ARHGAP18: variants seen among roughly 807,000 people sequenced by gnomAD.
ARHGAP18 encodes rho GTPase-activating protein 18.
ARHGAP18 carries 67 observed loss-of-function variants against 86.2 expected under a neutral mutation model. The observed-to-expected ratio is 0.78, with a 90% CI of 0.64 to 0.95. The LOEUF (loss-of-function observed/expected upper bound fraction) is 0.95, where lower values mean the gene tolerates loss of function less well. Among genes scored for constraint, ARHGAP18 ranks in the 40% least tolerant of loss-of-function variants. ARHGAP18 has a pLI of 0.00. For synonymous variants in ARHGAP18, 283 were observed against 280.4 expected (o/e 1.01, Z -0.09); for missense variants, 691 against 780.4 (o/e 0.89, Z 1.37).
At chr6:129,698,211 T>G (rs1188717778) in intron 1 of ARHGAP18, among the ~76,000 whole-genome samples, 2 of 152,204 alleles carry the variant, frequency 1.3e-5, no homozygotes, top group East Asian at 3.8e-4. Context: ...GCTTATCATT[T>G]GTACCTAGCA....
chr6:129,608,527 G>A (rs996884192), intron 8 of ARHGAP18, among the ~76,000 whole-genome samples: 15 of 152,062 alleles, frequency 9.9e-5, no homozygotes, highest in African/African-American at 2.2e-4. Flanking sequence ...AGTCACCTAC[G>A]GGAAATGGAA....
intron 12 of ARHGAP18, among the ~76,000 whole-genome samples, chr6:129,585,582 C>A (rs563559061): frequency 3.9e-5 from 6 of 152,294 alleles, no homozygotes; most frequent in African/African-American, 1.4e-4. Context: ...CACAAAGGAC[C>A]TGACCATCAA....
chr6:129,689,082 A>G (rs959611631), intron 1 of ARHGAP18, among the ~76,000 whole-genome samples: 3 of 152,096 alleles, frequency 2.0e-5, no homozygotes, highest in Admixed American at 1.3e-4. Flanking sequence ...AAGCAGAATC[A>G]AGGGAGCAAA....
At chr6:129,649,426 C>T (rs377188578) in intron 1 of ARHGAP18, among the ~76,000 whole-genome samples, 2 of 151,762 alleles carry the variant, frequency 1.3e-5, no homozygotes, top group East Asian at 1.9e-4. Flanking sequence ...TAGTGGCGCA[C>T]GCCTGTAGTC....
At chr6:129,584,331 A>C (rs911958517) in intron 12 of ARHGAP18, among the ~76,000 whole-genome samples, 12 of 152,238 alleles carry the variant, frequency 7.9e-5, no homozygotes, top group Non-Finnish European at 1.3e-4. Context: ...GTAATGCTTA[A>C]TTATTTTTAA....
At chr6:129,687,204 C>A (rs113668671) in intron 1 of ARHGAP18, among the ~76,000 whole-genome samples, 2 of 151,920 alleles carry the variant, frequency 1.3e-5, no homozygotes, top group Non-Finnish European at 2.9e-5. Flanking sequence ...ATGCAGGGAC[C>A]AGTTTCTATG....
chr6:129,592,241 A>C (rs1306968529), intron 12 of ARHGAP18, among the ~76,000 whole-genome samples: 1 of 152,208 alleles, frequency 6.6e-6, no homozygotes, highest in Non-Finnish European at 1.5e-5. Context: ...CCAGACCTAA[A>C]GCAGATGCTT....
At chr6:129,677,287 AGAGGCT>A in intron 1 of ARHGAP18, among the ~76,000 whole-genome samples, 1 of 152,174 alleles carries the variant, frequency 6.6e-6, no homozygotes, top group East Asian at 1.9e-4. Context: ...CAGCTACTGA[AGAGGCT>A]GAGGCAGGAG....
At chr6:129,709,592 C>CT (rs764709485) in intron 1 of ARHGAP18, among the ~76,000 whole-genome samples, 21 of 152,222 alleles carry the variant, frequency 1.4e-4, no homozygotes, top group Non-Finnish European at 2.2e-4. Flanking sequence ...ACTCTAACAA[C>CT]AACAGCTTGT....
chr6:129,639,366 T>C (rs1304175806), intron 2 of ARHGAP18, among the ~76,000 whole-genome samples: 1 of 152,210 alleles, frequency 6.6e-6, no homozygotes, highest in South Asian at 2.1e-4. Flanking sequence ...CCAACCATCA[T>C]ATTTATAGAG....
intron 10 of ARHGAP18, among the ~76,000 whole-genome samples, chr6:129,604,591 ACTTTGTCCT>A (rs1788815158): frequency 1.3e-5 from 2 of 152,100 alleles, no homozygotes; most frequent in African/African-American, 4.8e-5. Context: ...CGTCAGCCCC[ACTTTGTCCT>A]GGGCCATATG....
At chr6:129,655,317 C>CAAAAAAAAAA (rs55681217) in intron 1 of ARHGAP18, among the ~76,000 whole-genome samples, 132 of 74,932 alleles carry the variant, frequency 1.8e-3, no homozygotes, top group Middle Eastern at 8.3e-3. Flanking sequence ...AAAACTCTCT[C>CAAAAAAAAAA]AAAAAAAAAA....
chr6:129,650,311 C>T (rs533576915), intron 1 of ARHGAP18, among the ~76,000 whole-genome samples: 10 of 152,112 alleles, frequency 6.6e-5, no homozygotes, highest in East Asian at 1.9e-4. Context: ...AGGCCTAGAA[C>T]GAAACGAATA....
intron 1 of ARHGAP18, among the ~76,000 whole-genome samples, chr6:129,698,008 T>C (rs572310904): frequency 1.6e-4 from 25 of 152,218 alleles, no homozygotes; most frequent in Admixed American, 1.6e-3. Context: ...AACTTTCAGT[T>C]ACCAACTTAC....
chr6:129,638,217 G>A (rs569526374), intron 3 of ARHGAP18, among the ~76,000 whole-genome samples, 177 bp downstream of exon 3: 3 of 152,114 alleles, frequency 2.0e-5, no homozygotes, highest in Non-Finnish European at 4.4e-5. Flanking sequence ...TGCCCCATCA[G>A]TATAACTTCC....
At chr6:129,707,693 G>C (rs1446297819) in intron 1 of ARHGAP18, among the ~76,000 whole-genome samples, 5 of 150,236 alleles carry the variant, frequency 3.3e-5, no homozygotes, top group African/African-American at 4.9e-5. Flanking sequence ...CTGTGGGGGC[G>C]GGGGTCTTTT....
intron 2 of ARHGAP18, among the ~76,000 whole-genome samples, chr6:129,640,782 C>T (rs1043970275): frequency 7.2e-5 from 11 of 152,112 alleles, no homozygotes; most frequent in Non-Finnish European, 1.6e-4. Flanking sequence ...GATTGGGGCT[C>T]TCACATTTTG....
At chr6:129,644,420 A>G (rs1300396638) in intron 1 of ARHGAP18, among the ~76,000 whole-genome samples, 1 of 152,218 alleles carries the variant, frequency 6.6e-6, no homozygotes, top group Non-Finnish European at 1.5e-5. Context: ...TCAGCAGCTC[A>G]ACTTATCTGT....
chr6:129,599,332 C>T lies in ARHGAP18; in HGVS notation c.1597G>A (p.Val533Met). ...WTIPKFIVNQVRKQNTENHKK... is the reference protein window; with the variant it reads ...WTIPKFIVNQMRKQNTENHKK... ...TGATTTTCCGTGTTTTGCTTCCTCA[C>T]TTGGTTTACAATAAACTTGGGAATC... is the stretch of plus-strand genomic sequence containing the variant. Residue 533 changes from valine (V) to methionine (M), a missense_variant, in exon 12 of 15, where the codon GTG becomes ATG. Coordinates refer to ENST00000368149, the MANE Select transcript of ARHGAP18 (RefSeq NM_033515.3). The T allele has an allele frequency of 6.3e-7, 1 of 1,576,648 alleles. No individual in the cohort carries two copies.
Sources: allele counts gnomAD v4.1 joint callset (sites outside exome capture counted in the v4.1 genomes callset), GRCh38; gene constraint gnomAD v4.1.1; transcripts MANE v1.5; gene names NCBI Gene and HGNC (gene_info 2026-07-23, HGNC 2026-07-21).